GRIP1: variants seen among roughly 807,000 people sequenced by gnomAD.
GRIP1 encodes the protein glutamate receptor-interacting protein 1.
In GRIP1, 45 loss-of-function variants were observed where a neutral mutation model predicts 129.9. That is an observed-to-expected ratio of 0.35 (90% CI 0.27 to 0.44). The LOEUF is 0.44. GRIP1 is among the 20% of genes least tolerant of loss of function. The probability of loss-of-function intolerance (pLI) is 1.00; values close to 1 mark genes in which losing one functional copy is unlikely to be tolerated. For synonymous variants in GRIP1, 530 were observed against 520.8 expected, an observed-to-expected ratio of 1.02 and a Z score of -0.24; for missense variants, 1,196 against 1,396.8, an observed-to-expected ratio of 0.86 and a Z score of 2.29.
chr12:66,476,881 A>C (rs2059632923), intron 7 of GRIP1, among the ~76,000 whole-genome samples: 1 of 152,216 alleles, frequency 6.6e-6, no homozygotes, highest in African/African-American at 2.4e-5. Context: ...CGTATCTAAA[A>C]ATAATAAGAA....
At chr12:66,538,592 T>G (rs1336905875) in intron 4 of GRIP1, among the ~76,000 whole-genome samples, 1 of 152,098 alleles carries the variant, frequency 6.6e-6, no homozygotes. Context: ...TTATTCCATT[T>G]TATTAATGTT....
intron 23 of GRIP1, among the ~76,000 whole-genome samples, chr12:66,370,041 T>C (rs1197029121): frequency 6.6e-6 from 1 of 152,212 alleles, no homozygotes; most frequent in Non-Finnish European, 1.5e-5. Flanking sequence ...ACTCTGGTCA[T>C]GTTAGAATAT....
At chr12:66,952,983 G>A (rs1314834609) in intron 1 of GRIP1, among the ~76,000 whole-genome samples, 1 of 152,166 alleles carries the variant, frequency 6.6e-6, no homozygotes, top group Non-Finnish European at 1.5e-5. Context: ...GCCACACATA[G>A]ATATTTAAAT....
chr12:66,801,424 A>G (rs1361124047), intron 1 of GRIP1, among the ~76,000 whole-genome samples: 1 of 152,144 alleles, frequency 6.6e-6, no homozygotes, highest in Non-Finnish European at 1.5e-5. Context: ...ATGGAATTTC[A>G]GAAAAGTCAT....
chr12:66,958,389 C>T (rs1270681126), intron 1 of GRIP1, among the ~76,000 whole-genome samples: 1 of 152,146 alleles, frequency 6.6e-6, no homozygotes, highest in East Asian at 1.9e-4. Context: ...ATCTTGGCCT[C>T]CCTAAGTGCT....
intron 2 of GRIP1, among the ~76,000 whole-genome samples, chr12:66,579,555 T>C (rs34491645): frequency 0.25 from 37,369 of 151,922 alleles, 4,730 homozygotes; most frequent in Admixed American, 0.28. Flanking sequence ...TACAGAGAAG[T>C]GCTTAAAGGA....
At chr12:66,696,324 G>A (rs1592751576) in intron 1 of GRIP1, among the ~76,000 whole-genome samples, 1 of 152,124 alleles carries the variant, frequency 6.6e-6, no homozygotes, top group East Asian at 1.9e-4. Context: ...GATTCCTGAT[G>A]AGTAAGTTGC....
chr12:66,432,498 A>G (rs1338758176), intron 14 of GRIP1, 50 bp downstream of exon 14: 7 of 1,086,118 alleles, frequency 6.4e-6, no homozygotes, highest in African/African-American at 1.5e-5. Context: ...TTGACAACAC[A>G]GTTTTCTAAT....
intron 1 of GRIP1, among the ~76,000 whole-genome samples, chr12:66,840,519 G>A (rs10506505): frequency 0.27 from 41,573 of 152,092 alleles, 6,843 homozygotes; most frequent in Non-Finnish European, 0.37. Flanking sequence ...GGGCTGCACT[G>A]TTAATGAGGC....
intron 1 of GRIP1, among the ~76,000 whole-genome samples, chr12:66,706,198 C>T (rs921993800): frequency 6.6e-6 from 1 of 152,058 alleles, no homozygotes; most frequent in Admixed American, 6.6e-5. Flanking sequence ...GGAACTTAAA[C>T]GTATTTACAA....
intron 7 of GRIP1, among the ~76,000 whole-genome samples, chr12:66,487,821 A>T: frequency 6.6e-6 from 1 of 152,224 alleles, no homozygotes; most frequent in East Asian, 1.9e-4. Flanking sequence ...AGAAAAAAGC[A>T]GGGTTTGCAA....
chr12:67,041,326 ATGTG>A (rs756600925), intron 1 of GRIP1, among the ~76,000 whole-genome samples: 15 of 150,648 alleles, frequency 1.0e-4, no homozygotes, highest in Admixed American at 4.0e-4. Context: ...ACACGTGTGT[ATGTG>A]TGTGTGTATA....
chr12:66,454,467 G>A (rs1273982209), intron 11 of GRIP1, among the ~76,000 whole-genome samples: 1 of 152,170 alleles, frequency 6.6e-6, no homozygotes, highest in South Asian at 2.1e-4. Flanking sequence ...ACTATGATTA[G>A]GTCTAGTTAG....
At chr12:66,656,602 AG>A (rs1414088508) in intron 1 of GRIP1, among the ~76,000 whole-genome samples, 1 of 152,182 alleles carries the variant, frequency 6.6e-6, no homozygotes, top group East Asian at 1.9e-4. Context: ...TCTAAGAAAG[AG>A]GGAAAAAATT....
At chr12:66,543,920 A>T (rs561381730) in intron 2 of GRIP1, among the ~76,000 whole-genome samples, 2 of 152,268 alleles carry the variant, frequency 1.3e-5, no homozygotes, top group Admixed American at 1.3e-4. Context: ...TAAAATACTA[A>T]CACCAGGCAT....
At chr12:66,368,443 A>C (rs938409084) in intron 23 of GRIP1, among the ~76,000 whole-genome samples, 16 of 152,302 alleles carry the variant, frequency 1.1e-4, no homozygotes, top group Non-Finnish European at 2.4e-4. Context: ...AATAACGCCA[A>C]GCATGTTTAG....
chr12:66,759,717 T>A (rs1158394885), intron 1 of GRIP1, among the ~76,000 whole-genome samples: 1 of 152,116 alleles, frequency 6.6e-6, no homozygotes, highest in African/African-American at 2.4e-5. Flanking sequence ...GTTCCACAAA[T>A]CTCTAGAGCA....
At chr12:66,445,104 C>T (rs2058583631) in intron 12 of GRIP1, among the ~76,000 whole-genome samples, 1 of 152,152 alleles carries the variant, frequency 6.6e-6, no homozygotes, top group African/African-American at 2.4e-5. Context: ...AATATAGCTT[C>T]TAGTCCCTTG....
intron 19 of GRIP1, among the ~76,000 whole-genome samples, chr12:66,383,243 G>C (rs897325562): frequency 1.3e-5 from 2 of 151,974 alleles, no homozygotes; most frequent in Non-Finnish European, 2.9e-5. Flanking sequence ...GTTGCAGCGA[G>C]CTGAAGGCAT....
Sources: allele counts gnomAD v4.1 joint callset (sites outside exome capture counted in the v4.1 genomes callset), GRCh38; gene constraint gnomAD v4.1.1; transcripts MANE v1.5; gene names NCBI Gene and HGNC (gene_info 2026-07-23, HGNC 2026-07-21).